Variants in CYP3A5 observed in about 807,000 individuals in gnomAD.
The protein encoded by CYP3A5 is cytochrome P450 3A5.
In CYP3A5, 51 loss-of-function variants were observed where a neutral mutation model predicts 55.9. The observed-to-expected ratio is 0.91, with a 90% CI of 0.73 to 1.15. The LOEUF (loss-of-function observed/expected upper bound fraction) is 1.15. Among genes scored for constraint, CYP3A5 ranks in the 50% most tolerant of loss-of-function variants. The pLI, the probability that CYP3A5 is intolerant of heterozygous loss-of-function variation, is 0.00. For missense variants in CYP3A5, 533 were observed against 596.6 expected (o/e 0.89, Z 1.11); for synonymous variants, 196 against 213.9 (o/e 0.92, Z 0.73).
intron 3 of CYP3A5, 200 bp from the exon 4 acceptor site, chr7:99,672,879 T>C (rs780439718): frequency 6.4e-5 from 89 of 1,392,822 alleles, no homozygotes; most frequent in Non-Finnish European, 8.2e-5. Context: ...AGGCTTCATA[T>C]GATGAAGGGT....
chr7:99,654,146 A>G (rs1809472981), intron 10 of CYP3A5, among the ~76,000 whole-genome samples: 1 of 152,074 alleles, frequency 6.6e-6, no homozygotes, highest in South Asian at 2.1e-4. Flanking sequence ...TTTGTTACAT[A>G]TGTATACCTA....
chr7:99,675,969 A>T, intron 2 of CYP3A5, 146 bp downstream of exon 2: 1 of 657,986 alleles, frequency 1.5e-6, no homozygotes, highest in Non-Finnish European at 2.6e-6. Flanking sequence ...GGCTGAGATT[A>T]CAGGCATGAT....
At chr7:99,654,336 G>T (rs1046474844) in intron 10 of CYP3A5, among the ~76,000 whole-genome samples, 2 of 152,016 alleles carry the variant, frequency 1.3e-5, no homozygotes, top group African/African-American at 4.8e-5. Context: ...ACAGTGTTTG[G>T]TTTTTTGTCC....
Position 99,663,999 on chromosome 7 carries a change from A to C in CYP3A5, c.767T>G (p.Met256Arg). The C allele has an allele frequency of 6.3e-7, 1 of 1,593,210 alleles. No individual in the cohort carries two copies. The highest frequency in any genetic ancestry group is 8.5e-7 in the Non-Finnish European group (1 of 1,175,262). The part of the protein sequence containing the change: ...INFLSKSVNR[M>R]KKSRLNDKQK... The stretch of plus-strand genomic sequence containing the variant: ...TTTGTCGTTGAGGCGACTTTTCTTC[A>C]TTCTGTTTACAGATTTACTTAAAAA... Residue 256 changes from methionine (M) to arginine (R), a missense_variant, in exon 8 of 13, where the codon ATG (methionine) becomes AGG (arginine). Coordinates refer to ENST00000222982, the MANE Select transcript of CYP3A5 (RefSeq NM_000777.5).
chr7:99,678,762 A>T (rs1053456621), intron 1 of CYP3A5, among the ~76,000 whole-genome samples: 1 of 152,228 alleles, frequency 6.6e-6, no homozygotes, highest in Admixed American at 6.5e-5. Context: ...CTGAATTCCT[A>T]AGCTTTCTGT....
At position 99,674,550 on chromosome 7, in the gene CYP3A5, C is replaced by G; in HGVS notation, c.201G>C (p.Lys67Asn). ...ATACTCACCCCCACATTTTTCCATA[C>G]TTTTTATAGCACTCTGTGTCAAATT... is the stretch of plus-strand genomic sequence containing the variant. Reference protein sequence around the residue: ...LWKFDTECYKKYGKMWGTYEG... With the variant: ...LWKFDTECYKNYGKMWGTYEG... Residue 67 changes from lysine (K) to asparagine (N), a missense_variant, in exon 3 of 13, where the codon AAG becomes AAC. Transcript: ENST00000222982. 1.2e-6 allele frequency: 2 copies of G among 1,613,742 alleles called. No homozygotes were observed. The highest frequency in any genetic ancestry group is 1.7e-6 in the Non-Finnish European group (2 of 1,179,774).
intron 12 of CYP3A5, among the ~76,000 whole-genome samples, chr7:99,649,599 G>C (rs909349004): frequency 4.6e-5 from 7 of 152,126 alleles, no homozygotes; most frequent in Admixed American, 6.5e-5. Flanking sequence ...ACCTAGTCAC[G>C]CTCTGGGTTA....
chr7:99,661,487 G>T (rs1008429482), intron 9 of CYP3A5, among the ~76,000 whole-genome samples: 1 of 152,168 alleles, frequency 6.6e-6, no homozygotes, highest in Non-Finnish European at 1.5e-5. Context: ...CTGATGAATG[G>T]CATTAAAATA....
intron 1 of CYP3A5, among the ~76,000 whole-genome samples, chr7:99,677,934 C>T (rs760305863): frequency 5.3e-5 from 8 of 152,226 alleles, no homozygotes; most frequent in Non-Finnish European, 1.2e-4. Context: ...TCACATGGTA[C>T]CATGTCAAGG....
At chr7:99,655,848 A>G (rs1045721411) in intron 10 of CYP3A5, among the ~76,000 whole-genome samples, 1 of 152,138 alleles carries the variant, frequency 6.6e-6, no homozygotes, top group African/African-American at 2.4e-5. Flanking sequence ...GCAATTGTGA[A>G]TGGGAGTTCA....
chr7:99,673,171 C>A (rs1292313453), intron 3 of CYP3A5, among the ~76,000 whole-genome samples: 1 of 152,244 alleles, frequency 6.6e-6, no homozygotes, highest in Non-Finnish European at 1.5e-5. Context: ...GCTGTGTCAT[C>A]TGTCTACTAA....
chr7:99,651,908 G>A (rs1342003291), intron 11 of CYP3A5, among the ~76,000 whole-genome samples: 1 of 152,184 alleles, frequency 6.6e-6, no homozygotes, highest in Non-Finnish European at 1.5e-5. Flanking sequence ...GACCTGTGCT[G>A]TCTTGTGTCT....
intron 4 of CYP3A5, chr7:99,671,230 C>A (rs980168026): frequency 3.3e-5 from 5 of 153,656 alleles, no homozygotes; most frequent in Non-Finnish European, 5.7e-5. Flanking sequence ...AGATTGGACA[C>A]CTCTGCTTTA....
rs145025512 is a variant in CYP3A5, at chr7:99,660,415, T to C, written c.1026+84A>G. 1.4e-4 allele frequency: 204 copies of C among 1,493,836 alleles called. No homozygotes were observed. In the African/African-American group the frequency reaches 2.6e-3, roughly 19 times the overall value. The allele number at this position is 1,493,836 out of a possible 1,614,324, so 92.5% of individuals were successfully genotyped here. ...AAGGAATCAGTGATTATGCTTTTTATAAAAATTCTCCTGGGGAGTGGTGAG... is the reference window on the plus strand; with the variant it reads ...AAGGAATCAGTGATTATGCTTTTTACAAAAATTCTCCTGGGGAGTGGTGAG... On this transcript the variant is annotated intron_variant, in intron 10 of 12. Coordinates refer to ENST00000222982, the MANE Select transcript of CYP3A5 (RefSeq NM_000777.5).
rs4646454 is a variant in CYP3A5 at position 99,661,025 on chromosome 7, G to A, written c.866-366C>T. On this transcript the variant is annotated intron_variant, in intron 9 of 12. Transcript: ENST00000222982. Reference sequence around the variant, plus strand: ...TTATCTGTAAGTAAATATGGGGTAGGCTTTTTCCCAATAAAAATTTGATTT... The same window carrying A: ...TTATCTGTAAGTAAATATGGGGTAGACTTTTTCCCAATAAAAATTTGATTT... 7.9e-5 allele frequency among the ~76,000 whole-genome samples: 12 copies of A among 152,242 alleles called. No individual in the cohort carries two copies. In the East Asian group the frequency reaches 2.3e-3, roughly 29 times the overall value.
Position 99,662,848 on chromosome 7 carries a change from G to A in CYP3A5, c.833C>T (p.Ser278Phe). ...GGACTCAGTTTCTTTCGAATTCTGG[G>A]AGTCAATCATCAGCTGAAGGAAATC... ...RLDFLQLMIDSQNSKETESHK... is the reference protein window; with the variant it reads ...RLDFLQLMIDFQNSKETESHK... Residue 278 changes from serine to phenylalanine, a missense_variant, in exon 9 of 13, where the codon TCC becomes TTC. Ser to Phe is a radical substitution (Grantham distance 155). Transcript: ENST00000222982. The surrounding 1 kb of genome is among the most constrained non-coding windows in gnomAD (Gnocchi z 4.3). The A allele has an allele frequency of 7.4e-6, 12 of 1,613,950 alleles. No homozygotes were observed. The highest frequency in any genetic ancestry group is 1.0e-5 in the Non-Finnish European group (12 of 1,179,908).
At chr7:99,676,252 ATAG>A in intron 1 of CYP3A5, 44 bp from the exon 2 acceptor site, 1 of 1,611,186 alleles carries the variant, frequency 6.2e-7, no homozygotes, top group Non-Finnish European at 8.5e-7. Context: ...TTGTGACTTT[ATAG>A]ATCAGAGGGC....
At chr7:99,669,866 G>A (rs944278728) in intron 4 of CYP3A5, among the ~76,000 whole-genome samples, 1 of 152,136 alleles carries the variant, frequency 6.6e-6, no homozygotes, top group Non-Finnish European at 1.5e-5. Context: ...CCCTGGCGAT[G>A]GTAGGTAAAA....
At chr7:99,667,231 C>T (rs28365065) in intron 4 of CYP3A5, among the ~76,000 whole-genome samples, 166 bp from the exon 5 acceptor site, 9 of 126,030 alleles carry the variant, frequency 7.1e-5, no homozygotes, top group African/African-American at 2.4e-4. Flanking sequence ...GATGCCTAGC[C>T]TCTTCTGAGT....
Sources: gnomAD v4.1 joint callset for allele counts (sites outside exome capture counted in the v4.1 genomes callset) on GRCh38, gnomAD v4.1.1 for gene constraint, Gnocchi (gnomAD v3.1) non-coding constraint, MANE v1.5 for transcripts, NCBI Gene and HGNC (gene_info 2026-07-23, HGNC 2026-07-21) for gene names.